Variants in CSMD1 observed in about 807,000 individuals in gnomAD.
The protein encoded by CSMD1 is CUB and sushi domain-containing protein 1.
A neutral mutation model predicts 417.5 loss-of-function variants in CSMD1; 213 were observed. That is an observed-to-expected ratio of 0.51 (90% confidence interval 0.46 to 0.57). The LOEUF is 0.57. CSMD1 is among the 20% of genes least tolerant of loss of function. CSMD1 has a pLI of 0.00. For missense variants in CSMD1, 6,923 were observed against 4,529.7 expected (o/e 1.53, Z -15.17); for synonymous variants, 2,862 against 1,736.8 (o/e 1.65, Z -16.11).
chr8:3,092,288 G>A (rs1221779700), intron 47 of CSMD1, among the ~76,000 whole-genome samples: 2 of 151,766 alleles, frequency 1.3e-5, no homozygotes, highest in African/African-American at 4.8e-5. Context: ...ATCCACATAG[G>A]TAATTCTTAA....
intron 3 of CSMD1, among the ~76,000 whole-genome samples, chr8:4,160,818 AAAG>A (rs769349824): frequency 1.3e-5 from 2 of 152,252 alleles, no homozygotes; most frequent in Admixed American, 6.5e-5. Flanking sequence ...AAATATCAGA[AAAG>A]AAGAAGAAAA....
rs151160104 is a variant in CSMD1 at position 4,420,011 on chromosome 8, A to C, written c.357T>G (p.Thr119=). 5.4e-4 allele frequency: 860 copies of C among 1,587,858 alleles called. 2 individuals are homozygous for C. The African/African-American group carries it at 0.01, about 19-fold the overall frequency. The change falls in exon 3 of 70, where the codon ACT becomes ACG. Residue 119 remains threonine, a synonymous_variant. Transcript: ENST00000635120. ...CAGCGAAGTCTGTCGTGAACCACAG[A>C]GTGAGGATAGATCCTGTACTCACTA... ...SSIVSTGSIL[T]LWFTTDFAVS...
intron 5 of CSMD1, among the ~76,000 whole-genome samples, chr8:3,925,606 C>G (rs1809597827): frequency 6.6e-6 from 1 of 152,066 alleles, no homozygotes; most frequent in Non-Finnish European, 1.5e-5. Flanking sequence ...CCCTACTATT[C>G]TCGCAACAGT....
intron 3 of CSMD1, among the ~76,000 whole-genome samples, chr8:4,161,315 A>G (rs186853374): frequency 6.6e-6 from 1 of 152,356 alleles, no homozygotes; most frequent in East Asian, 1.9e-4. Flanking sequence ...AGAAACAGTA[A>G]GTGACAGAAT....
intron 5 of CSMD1, among the ~76,000 whole-genome samples, chr8:3,797,083 C>G (rs1321555956): frequency 6.6e-6 from 1 of 151,834 alleles, no homozygotes; most frequent in Non-Finnish European, 1.5e-5. Context: ...AGATGGACTT[C>G]TCCTTTAATG....
intron 2 of CSMD1, among the ~76,000 whole-genome samples, chr8:4,578,833 A>T (rs1354699903): frequency 6.7e-6 from 1 of 150,184 alleles, no homozygotes; most frequent in East Asian, 2.0e-4. Flanking sequence ...AAAAAAACAA[A>T]CCTATCTTTA....
intron 5 of CSMD1, among the ~76,000 whole-genome samples, chr8:3,958,807 T>C (rs1351372596): frequency 1.3e-5 from 2 of 152,208 alleles, no homozygotes; most frequent in African/African-American, 2.4e-5. Flanking sequence ...TTATCTATGA[T>C]ACACATCAGG....
At chr8:4,465,689 C>T (rs114207761) in intron 2 of CSMD1, among the ~76,000 whole-genome samples, 1 of 152,198 alleles carries the variant, frequency 6.6e-6, no homozygotes, top group Admixed American at 6.5e-5. Context: ...ATTGCTCTGA[C>T]CATTAAAGGA....
intron 26 of CSMD1, among the ~76,000 whole-genome samples, chr8:3,263,016 T>A (rs1055568038): frequency 2.6e-5 from 4 of 152,210 alleles, no homozygotes; most frequent in African/African-American, 9.6e-5. Flanking sequence ...GCAATAAATC[T>A]CCTTGACCCA....
chr8:4,273,418 G>C (rs1043700948), intron 3 of CSMD1, among the ~76,000 whole-genome samples: 1 of 152,054 alleles, frequency 6.6e-6, no homozygotes, highest in Non-Finnish European at 1.5e-5. Context: ...CCCTGCTCAG[G>C]TCAATTATAC....
intron 3 of CSMD1, among the ~76,000 whole-genome samples, chr8:4,374,816 G>A (rs1030363147): frequency 7.9e-5 from 12 of 152,006 alleles, no homozygotes; most frequent in African/African-American, 1.5e-4. Flanking sequence ...GCAGGAAAAC[G>A]GCCTGCTGAG....
intron 2 of CSMD1, among the ~76,000 whole-genome samples, chr8:4,549,355 C>G (rs1797766999): frequency 6.6e-6 from 1 of 152,152 alleles, no homozygotes; most frequent in African/African-American, 2.4e-5. Context: ...AAATGACTCT[C>G]TAATAATGGG....
intron 3 of CSMD1, among the ~76,000 whole-genome samples, chr8:4,200,320 A>C (rs1799573535): frequency 6.6e-6 from 1 of 152,108 alleles, no homozygotes; most frequent in Non-Finnish European, 1.5e-5. Flanking sequence ...TGTCACTTAG[A>C]TATGGTATGC....
intron 1 of CSMD1, among the ~76,000 whole-genome samples, chr8:4,685,734 T>G (rs950921713): frequency 6.6e-6 from 1 of 152,190 alleles, no homozygotes; most frequent in African/African-American, 2.4e-5. Flanking sequence ...AACATTCTTT[T>G]TAAGAAATTA....
intron 3 of CSMD1, among the ~76,000 whole-genome samples, chr8:4,391,758 C>T (rs756130087): frequency 1.4e-4 from 22 of 152,170 alleles, no homozygotes; most frequent in Non-Finnish European, 2.6e-4. Flanking sequence ...CCTCTTCCAC[C>T]ATAGGGCTTT....
chr8:3,913,949 G>C (rs1352846141), intron 5 of CSMD1, among the ~76,000 whole-genome samples: 4 of 151,778 alleles, frequency 2.6e-5, no homozygotes, highest in African/African-American at 7.3e-5. Context: ...GATCACTTTT[G>C]ACTTCAGATA....
chr8:4,910,839 T>C (rs954288908), intron 1 of CSMD1, among the ~76,000 whole-genome samples: 1 of 152,202 alleles, frequency 6.6e-6, no homozygotes, highest in Non-Finnish European at 1.5e-5. Flanking sequence ...CAAACTGATA[T>C]GGTTTGGCTG....
chr8:4,833,629 G>A (rs1315947591), intron 1 of CSMD1, among the ~76,000 whole-genome samples: 1 of 152,192 alleles, frequency 6.6e-6, no homozygotes, highest in Non-Finnish European at 1.5e-5. Context: ...CGCTGATACT[G>A]TATCTCTGCA....
At chr8:3,715,758 G>T (rs1312614246) in intron 6 of CSMD1, among the ~76,000 whole-genome samples, 1 of 152,132 alleles carries the variant, frequency 6.6e-6, no homozygotes. Flanking sequence ...GGCCAAACTG[G>T]TCTCAAACTC....
Sources: gnomAD v4.1 joint callset for allele counts (sites outside exome capture counted in the v4.1 genomes callset) on GRCh38, gnomAD v4.1.1 for gene constraint, MANE v1.5 for transcripts, NCBI Gene and HGNC (gene_info 2026-07-23, HGNC 2026-07-21) for gene names.